ATG10: variants seen among roughly 807,000 people sequenced by gnomAD.
ATG10 encodes autophagy related 10.
Under a neutral mutation model 32.1 loss-of-function variants are expected in ATG10, and 30 were observed. The observed-to-expected ratio is 0.94, with a 90% CI of 0.70 to 1.27. The LOEUF (loss-of-function observed/expected upper bound fraction) is 1.27. Ranked by LOEUF, ATG10 falls within the 50% of genes most tolerant of loss-of-function variation. ATG10 has a pLI of 0.00. For missense variants in ATG10, 233 were observed against 262.3 expected (o/e 0.89, Z 0.77); for synonymous variants, 87 against 91.5 (o/e 0.95, Z 0.28).
At chr5:81,992,223 C>T (rs1393839237) in intron 2 of ATG10, 3 of 151,888 alleles carry the variant, frequency 2.0e-5, no homozygotes, top group Admixed American at 2.0e-4. Flanking sequence ...CTCCTGGGCT[C>T]AAGCTGTCCT....
intron 2 of ATG10, among the ~76,000 whole-genome samples, chr5:81,988,264 G>A (rs949691763): frequency 1.1e-4 from 17 of 152,020 alleles, no homozygotes; most frequent in African/African-American, 2.4e-5. Flanking sequence ...AGCCTCCCTA[G>A]TAGCTGGGAC....
intron 2 of ATG10, among the ~76,000 whole-genome samples, chr5:82,045,537 T>C (rs796176568): frequency 3.9e-5 from 6 of 152,252 alleles, no homozygotes; most frequent in African/African-American, 1.4e-4. Flanking sequence ...TATGCTTCTG[T>C]CTTGATGCAG....
At chr5:82,049,898 C>A (rs1161241900) in intron 2 of ATG10, among the ~76,000 whole-genome samples, 2 of 152,062 alleles carry the variant, frequency 1.3e-5, no homozygotes, top group Non-Finnish European at 2.9e-5. Flanking sequence ...TGAACTGTTA[C>A]TTTTTCTTTC....
rs531040156 is a variant in ATG10 at position 81,981,102 on chromosome 5, G to T, written c.-12-6457G>T. ...TTAGGACTGATACGACTTCTCTTCT[G>T]ATGTGTCTCTGTGCTATTTTATTGG... On this transcript the variant is annotated intron_variant, in intron 1 of 7. Coordinates refer to ENST00000282185, the MANE Select transcript of ATG10 (RefSeq NM_031482.5). Among the ~76,000 whole-genome samples, 15 of 152,304 alleles carry T rather than the reference G, an allele frequency of 9.8e-5. No homozygotes were observed. In the East Asian group the frequency reaches 2.9e-3, roughly 29 times the overall value.
chr5:82,212,594 T>C (rs985993202), intron 5 of ATG10, among the ~76,000 whole-genome samples: 2 of 152,216 alleles, frequency 1.3e-5, no homozygotes, highest in South Asian at 2.1e-4. Flanking sequence ...ACCTACCATA[T>C]TGGCAAAGAT....
At chr5:82,111,208 T>C (rs745348590) in intron 3 of ATG10, among the ~76,000 whole-genome samples, 39 of 152,012 alleles carry the variant, frequency 2.6e-4, no homozygotes, top group Non-Finnish European at 5.0e-4. Context: ...GTTGTTTTAA[T>C]TCTAATTCTA....
chr5:82,233,297 T>G (rs1746435736), intron 5 of ATG10, among the ~76,000 whole-genome samples: 1 of 152,232 alleles, frequency 6.6e-6, no homozygotes, highest in Admixed American at 6.5e-5. Flanking sequence ...ACCAATGTTC[T>G]GATCTGAGCC....
chr5:82,087,064 G>T (rs548556179), intron 3 of ATG10, among the ~76,000 whole-genome samples: 2 of 152,236 alleles, frequency 1.3e-5, no homozygotes, highest in African/African-American at 2.4e-5. Flanking sequence ...GCAGGATATT[G>T]TCCAAGTCAT....
intron 5 of ATG10, among the ~76,000 whole-genome samples, chr5:82,196,104 A>G (rs887417559): frequency 2.0e-5 from 3 of 152,236 alleles, no homozygotes; most frequent in Non-Finnish European, 4.4e-5. Context: ...GAAGTATCCA[A>G]TTGTGGTTTT....
At chr5:82,104,622 G>A (rs528321380) in intron 3 of ATG10, among the ~76,000 whole-genome samples, 1 of 152,162 alleles carries the variant, frequency 6.6e-6, no homozygotes, top group South Asian at 2.1e-4. Flanking sequence ...ATTGGGATTA[G>A]CTGAAGGCAA....
chr5:82,253,361 T>C lies in ATG10; in HGVS notation c.599T>C (p.Val200Ala). 1 of 1,613,622 alleles carries C rather than the reference T, an allele frequency of 6.2e-7. No individual in the cohort carries two copies. The highest frequency in any genetic ancestry group is 8.5e-7 in the Non-Finnish European group (1 of 1,179,484). ...TGGCTGAGCATTGTAGGGCCAGTTG[T>C]TGGGCTGAATCTACCTCTGAGTTAT... ...TSWLSIVGPV[V>A]GLNLPLSYAK... Residue 200 changes from valine to alanine, a missense_variant, in exon 7 of 8, where the codon GTT (valine) becomes GCT (alanine). By Grantham distance (64) the Val-to-Ala change is moderately conservative (BLOSUM62 0). Coordinates refer to ENST00000282185, the MANE Select transcript of ATG10 (RefSeq NM_031482.5).
At chr5:82,189,134 C>A (rs190892986) in intron 5 of ATG10, among the ~76,000 whole-genome samples, 84 of 152,242 alleles carry the variant, frequency 5.5e-4, no homozygotes, top group African/African-American at 2.0e-3. Flanking sequence ...AAAACTATTT[C>A]AAGTGGTTTG....
At chr5:82,230,810 T>C (rs1013769037) in intron 5 of ATG10, among the ~76,000 whole-genome samples, 4 of 150,742 alleles carry the variant, frequency 2.7e-5, no homozygotes, top group African/African-American at 4.9e-5. Flanking sequence ...TAAATATCCA[T>C]TATGATATAT....
chr5:82,139,720 T>G (rs1386472406), intron 3 of ATG10, among the ~76,000 whole-genome samples: 87 of 83,708 alleles, frequency 1.0e-3, no homozygotes, highest in Admixed American at 1.9e-3. Flanking sequence ...TGGGGGGGGG[T>G]CAGCCCCCTG....
chr5:82,208,988 A>G (rs547028987), intron 5 of ATG10, among the ~76,000 whole-genome samples: 9 of 152,244 alleles, frequency 5.9e-5, no homozygotes, highest in African/African-American at 7.2e-5. Context: ...TGTCAATTTT[A>G]GAGATCAAGC....
chr5:82,059,895 A>G (rs72776845), intron 3 of ATG10, among the ~76,000 whole-genome samples: 82 of 152,292 alleles, frequency 5.4e-4, no homozygotes, highest in Non-Finnish European at 2.1e-4. Context: ...ACCAACATCA[A>G]ATTTGAAGCC....
At chr5:82,095,564 G>A (rs1765030493) in intron 3 of ATG10, among the ~76,000 whole-genome samples, 1 of 151,984 alleles carries the variant, frequency 6.6e-6, no homozygotes, top group Admixed American at 6.6e-5. Flanking sequence ...CTCAATTTTT[G>A]TCTAAAATCT....
intron 5 of ATG10, among the ~76,000 whole-genome samples, chr5:82,179,497 T>C (rs1744154041): frequency 1.3e-5 from 2 of 152,088 alleles, no homozygotes; most frequent in African/African-American, 4.8e-5. Flanking sequence ...ATGGTTGCAA[T>C]AGTGATTTGC....
intron 5 of ATG10, among the ~76,000 whole-genome samples, chr5:82,190,587 A>G (rs1453415122): frequency 6.6e-6 from 1 of 151,878 alleles, no homozygotes; most frequent in Non-Finnish European, 1.5e-5. Flanking sequence ...CCTGGCAAAC[A>G]TGGTGAAACC....
Sources: gnomAD v4.1 joint callset for allele counts (sites outside exome capture counted in the v4.1 genomes callset) on GRCh38, gnomAD v4.1.1 for gene constraint, MANE v1.5 for transcripts, NCBI Gene and HGNC (gene_info 2026-07-23, HGNC 2026-07-21) for gene names.